CHST9: variants seen among roughly 807,000 people sequenced by gnomAD.
The protein encoded by CHST9 is carbohydrate sulfotransferase 9.
In CHST9, 41 loss-of-function variants were observed where a neutral mutation model predicts 44.4. That is an observed-to-expected ratio of 0.92 (90% CI 0.72 to 1.20). CHST9 has a LOEUF of 1.20. Among genes scored for constraint, CHST9 ranks in the 50% most tolerant of loss-of-function variants. CHST9 has a pLI of 0.00. For missense variants in CHST9, 504 were observed against 516.5 expected (o/e 0.98, Z 0.23); for synonymous variants, 171 against 178.4 (o/e 0.96, Z 0.33).
intron 4 of CHST9, among the ~76,000 whole-genome samples, chr18:26,952,928 C>T (rs998243906): frequency 6.6e-6 from 1 of 152,058 alleles, no homozygotes; most frequent in African/African-American, 2.4e-5. Flanking sequence ...ATGGGGAAAA[C>T]CAATATGATT....
intron 4 of CHST9, among the ~76,000 whole-genome samples, chr18:27,006,926 A>G (rs2057023815): frequency 6.6e-6 from 1 of 152,158 alleles, no homozygotes; most frequent in South Asian, 2.1e-4. Context: ...GAGAGAGCAC[A>G]TATTATGCTT....
chr18:27,163,179 G>A (rs1430341282), intron 1 of CHST9, among the ~76,000 whole-genome samples: 1 of 152,174 alleles, frequency 6.6e-6, no homozygotes, highest in Non-Finnish European at 1.5e-5. Context: ...TGGAAGTTTT[G>A]TCTCAGAGGA....
chr18:27,173,926 C>G (rs916548293), intron 1 of CHST9, among the ~76,000 whole-genome samples: 14 of 151,852 alleles, frequency 9.2e-5, no homozygotes, highest in Non-Finnish European at 1.8e-4. Flanking sequence ...AATTATTTGC[C>G]TATTTCTCCC....
At chr18:27,059,893 G>C (rs1229419269) in intron 2 of CHST9, among the ~76,000 whole-genome samples, 1 of 152,204 alleles carries the variant, frequency 6.6e-6, no homozygotes, top group African/African-American at 2.4e-5. Flanking sequence ...ATATTTCATG[G>C]ATAGAAGGAA....
chr18:26,951,218 AG>A (rs2056243323), intron 4 of CHST9, among the ~76,000 whole-genome samples: 2 of 152,196 alleles, frequency 1.3e-5, no homozygotes, highest in African/African-American at 4.8e-5. Flanking sequence ...TGGGTGGGGA[AG>A]GACCTATTTC....
intron 3 of CHST9, among the ~76,000 whole-genome samples, chr18:27,036,000 A>G (rs944659527): frequency 2.0e-5 from 3 of 152,200 alleles, no homozygotes; most frequent in Non-Finnish European, 4.4e-5. Flanking sequence ...TTAGATATAT[A>G]TAATTTTGTC....
chr18:27,087,310 T>G (rs984485938), intron 2 of CHST9, among the ~76,000 whole-genome samples: 2 of 152,154 alleles, frequency 1.3e-5, no homozygotes, highest in Non-Finnish European at 2.9e-5. Flanking sequence ...GTTTCTGTCT[T>G]GTCATCCCTG....
At chr18:27,166,044 G>T (rs1206195534) in intron 1 of CHST9, among the ~76,000 whole-genome samples, 2 of 152,114 alleles carry the variant, frequency 1.3e-5, no homozygotes, top group Non-Finnish European at 2.9e-5. Flanking sequence ...GGTAATCATT[G>T]CTTTTTCAAC....
intron 1 of CHST9, among the ~76,000 whole-genome samples, chr18:27,162,603 C>T (rs1392837301): frequency 4.6e-5 from 7 of 152,234 alleles, no homozygotes; most frequent in Non-Finnish European, 8.8e-5. Context: ...TTGCTCTTCT[C>T]GAGGAGTATC....
At chr18:26,984,871 T>A (rs1332898890) in intron 4 of CHST9, among the ~76,000 whole-genome samples, 1 of 152,040 alleles carries the variant, frequency 6.6e-6, no homozygotes, top group Non-Finnish European at 1.5e-5. Flanking sequence ...AGGGTATAGA[T>A]GAAAAGAAAC....
chr18:27,175,041 T>C (rs984061201), intron 1 of CHST9, among the ~76,000 whole-genome samples: 2 of 152,124 alleles, frequency 1.3e-5, no homozygotes, highest in Non-Finnish European at 2.9e-5. Context: ...TAGCATAGTA[T>C]CTAAAACATA....
At chr18:26,965,427 T>C (rs918466180) in intron 4 of CHST9, among the ~76,000 whole-genome samples, 17 of 152,212 alleles carry the variant, frequency 1.1e-4, no homozygotes, top group South Asian at 2.1e-4. Context: ...AGTAATGTCC[T>C]GTGCTTTTTA....
At chr18:27,059,638 G>A (rs1253306934) in intron 2 of CHST9, among the ~76,000 whole-genome samples, 1 of 152,040 alleles carries the variant, frequency 6.6e-6, no homozygotes, top group Non-Finnish European at 1.5e-5. Flanking sequence ...TTCATCTGGG[G>A]GAAACAAGGA....
chr18:27,008,826 C>A (rs2057048399), intron 4 of CHST9, among the ~76,000 whole-genome samples: 1 of 151,968 alleles, frequency 6.6e-6, no homozygotes, highest in African/African-American at 2.4e-5. Context: ...CTTCTGCCAT[C>A]ATCAGGAGAG....
At chr18:27,054,442 A>C (rs1426511602) in intron 2 of CHST9, among the ~76,000 whole-genome samples, 1 of 152,108 alleles carries the variant, frequency 6.6e-6, no homozygotes, top group Non-Finnish European at 1.5e-5. Context: ...CCATAACCTC[A>C]TAAAAATTGA....
At chr18:27,152,605 C>A (rs189579250) in intron 1 of CHST9, among the ~76,000 whole-genome samples, 1 of 152,132 alleles carries the variant, frequency 6.6e-6, no homozygotes, top group Admixed American at 6.6e-5. Context: ...ATGCAGCATG[C>A]ACTTACATGC....
In CHST9 at chr18:27,053,294, G is replaced by C. The variant is rs146903485; in HGVS notation, c.122-4791C>G. The stretch of plus-strand genomic sequence containing the variant: ...AGAAGGAGAAGGAGAAGGAGAAGGA[G>C]AAGGAGAAGGAGAAGGAGAAGGAGA... On this transcript the variant is annotated intron_variant, in intron 2 of 5. Coordinates refer to ENST00000618847, the MANE Select transcript of CHST9 (RefSeq NM_031422.6). 4.6e-3 allele frequency among the ~76,000 whole-genome samples: 609 copies of C among 133,082 alleles called. 16 individuals carry two copies. Among genetic ancestry groups the C allele is most frequent in the African/African-American group, 0.016 (567 of 34,450 alleles). The allele number at this position is 133,082 out of a possible 152,430, so 87.3% of individuals were successfully genotyped here. A position where few individuals can be genotyped will look rare whatever the true frequency, so the allele number is the denominator to read the frequency against.
At chr18:27,005,199 T>C (rs2057001798) in intron 4 of CHST9, among the ~76,000 whole-genome samples, 1 of 152,222 alleles carries the variant, frequency 6.6e-6, no homozygotes, top group South Asian at 2.1e-4. Context: ...CTCAGTTTTA[T>C]GTCTGTAAAA....
chr18:27,066,064 G>A (rs1325157022), intron 2 of CHST9, among the ~76,000 whole-genome samples: 1 of 152,194 alleles, frequency 6.6e-6, no homozygotes, highest in Non-Finnish European at 1.5e-5. Context: ...ACCTCACAGA[G>A]GGTGGAAAAA....
Sources: gnomAD v4.1 joint callset for allele counts (sites outside exome capture counted in the v4.1 genomes callset) on GRCh38, gnomAD v4.1.1 for gene constraint, MANE v1.5 for transcripts, NCBI Gene and HGNC (gene_info 2026-07-23, HGNC 2026-07-21) for gene names.